The following SOX6 variants were observed in gnomAD, a reference collection of about 807,000 sequenced individuals.
SOX6 encodes transcription factor SOX-6.
In SOX6, 11 loss-of-function variants were observed where a neutral mutation model predicts 97.8. The ratio of observed to expected loss-of-function variants is 0.11; its 90% confidence interval spans 0.07 to 0.19. The LOEUF (loss-of-function observed/expected upper bound fraction) is 0.19. SOX6 is among the 10% of genes least tolerant of loss of function. The pLI is 1.00. For synonymous variants in SOX6, 360 were observed against 371.4 expected (o/e 0.97, Z 0.35); for missense variants, 810 against 1,039.5 (o/e 0.78, Z 3.04).
intron 3 of SOX6, among the ~76,000 whole-genome samples, chr11:16,645,200 T>C (rs1848993976): frequency 6.6e-6 from 1 of 152,194 alleles, no homozygotes; most frequent in Admixed American, 6.5e-5. Flanking sequence ...TTTTATCAAA[T>C]GCCACTAATA....
At chr11:16,161,124 TCCACCATGGTTGATTTCAAC>T (rs1250069007) in intron 6 of SOX6, among the ~76,000 whole-genome samples, 2 of 152,072 alleles carry the variant, frequency 1.3e-5, no homozygotes, top group Admixed American at 6.6e-5. Context: ...TTGATTTCAA[TCCACCATGGTTGATTTCAAC>T]CTATAAACAT....
At chr11:16,367,094 C>G (rs1857378325) in intron 1 of SOX6, among the ~76,000 whole-genome samples, 1 of 152,102 alleles carries the variant, frequency 6.6e-6, no homozygotes, top group Admixed American at 6.6e-5. Context: ...GATAGAAAAT[C>G]TAAATCTACA....
chr11:16,228,058 C>A (rs932906982), intron 4 of SOX6, among the ~76,000 whole-genome samples: 1 of 151,960 alleles, frequency 6.6e-6, no homozygotes, highest in African/African-American at 2.4e-5. Flanking sequence ...ACTAGCCAGG[C>A]GTGGTGGCAC....
Position 15,972,837 on chromosome 11 carries a change from T to C in SOX6, c.2459A>G (p.Glu820Gly), listed in dbSNP as rs1468647362. ...DPKSDYSSEN[E>G]APEAVSAN Reference sequence around the variant, plus strand: ...GTTGGCACTGACAGCCTCCGGGGCTTCATTTTCACTGCTATAGTCTGATTT... The same window carrying C: ...GTTGGCACTGACAGCCTCCGGGGCTCCATTTTCACTGCTATAGTCTGATTT... Residue 820 changes from glutamate (E) to glycine (G), a missense_variant, in exon 16 of 16, where the codon GAA (glutamate) becomes GGA (glycine). This residue lies in a region of SOX6 where 122 missense variants were observed against 153.4 expected (regional missense o/e 0.80). Transcript: ENST00000683767. 1 of 1,614,240 alleles carries C rather than the reference T, an allele frequency of 6.2e-7. No individual in the cohort carries two copies. The highest frequency in any genetic ancestry group is 8.5e-7 in the Non-Finnish European group (1 of 1,180,032).
chr11:16,427,901 C>T (rs1233474040), intron 1 of SOX6, among the ~76,000 whole-genome samples: 1 of 152,134 alleles, frequency 6.6e-6, no homozygotes, highest in African/African-American at 2.4e-5. Context: ...TGAGGAATCG[C>T]CACACTGACT....
At chr11:16,697,752 T>G (rs903715966) in intron 3 of SOX6, among the ~76,000 whole-genome samples, 7 of 152,246 alleles carry the variant, frequency 4.6e-5, no homozygotes, top group African/African-American at 1.7e-4. Flanking sequence ...GGCTACAGAA[T>G]GGATGTTGTG....
Position 16,155,654 on chromosome 11 carries a change from T to C in SOX6, c.777+28232A>G, listed in dbSNP as rs147101561. 4.2e-3 allele frequency among the ~76,000 whole-genome samples: 632 copies of C among 152,264 alleles called. 9 individuals carry two copies. The highest frequency in any genetic ancestry group is 0.031 in the Middle Eastern group (9 of 294). On this transcript the variant is annotated intron_variant, in intron 6 of 15. Transcript: ENST00000683767. ...ACATAGTGAATCATTAGCTATTATG[T>C]TAACACATACTTAGTGGCAGTCTAG...
chr11:16,201,704 G>A (rs1474906942), intron 4 of SOX6, among the ~76,000 whole-genome samples: 1 of 129,826 alleles, frequency 7.7e-6, no homozygotes, highest in Non-Finnish European at 1.5e-5. Context: ...CGGGATCTCG[G>A]CTCACTGCAA....
At chr11:16,068,461 A>G (rs1179224694) in intron 9 of SOX6, among the ~76,000 whole-genome samples, 2 of 152,228 alleles carry the variant, frequency 1.3e-5, no homozygotes, top group Non-Finnish European at 2.9e-5. Flanking sequence ...TTTACTTTTC[A>G]TAAATCTCCA....
chr11:16,162,827 G>A (rs536616330), intron 6 of SOX6, among the ~76,000 whole-genome samples: 42 of 152,246 alleles, frequency 2.8e-4, no homozygotes, highest in African/African-American at 9.4e-4. Context: ...TTTGAACTGA[G>A]TCAGTATTTT....
intron 4 of SOX6, among the ~76,000 whole-genome samples, chr11:16,208,624 T>C (rs963036670): frequency 7.9e-5 from 12 of 152,222 alleles, no homozygotes; most frequent in African/African-American, 2.9e-4. Context: ...GCTTTTCACT[T>C]GAAGGAAAAC....
chr11:16,250,655 T>A (rs7110527), intron 3 of SOX6, among the ~76,000 whole-genome samples: 117,702 of 151,436 alleles, frequency 0.78, 45,874 homozygotes, highest in Non-Finnish European at 0.8. Context: ...AACAGGAAAA[T>A]TCCAACAATC....
chr11:15,973,838 C>A (rs1471614549), intron 15 of SOX6, among the ~76,000 whole-genome samples: 1 of 152,100 alleles, frequency 6.6e-6, no homozygotes, highest in Non-Finnish European at 1.5e-5. Context: ...CACCCTAGAT[C>A]CCAGAGGGTG....
chr11:16,680,275 C>A (rs1292678329), intron 3 of SOX6, among the ~76,000 whole-genome samples: 2 of 152,206 alleles, frequency 1.3e-5, no homozygotes, highest in Admixed American at 1.3e-4. Flanking sequence ...AGAAACCCTA[C>A]AAGCCAGAAG....
At position 16,557,627 on chromosome 11, in the gene SOX6, T is replaced by C. The variant is rs1195924506; in HGVS notation, n.609+54454A>G. On this transcript the variant is annotated intron_variant and non_coding_transcript_variant, in intron 4 of 5. Transcript: ENST00000524520. ...TTTGCTTATATAGAATATTCTTAGGTATCTATTTCAAATATCCATATTTCT... is the reference window on the plus strand; with the variant it reads ...TTTGCTTATATAGAATATTCTTAGGCATCTATTTCAAATATCCATATTTCT... Among the ~76,000 whole-genome samples the C allele has an allele frequency of 2.6e-5, 4 of 151,892 alleles. No individual in the cohort carries two copies. The East Asian group carries it at 7.7e-4, about 29-fold the overall frequency.
chr11:16,157,871 CAA>C (rs1275334903), intron 6 of SOX6, among the ~76,000 whole-genome samples: 1 of 152,052 alleles, frequency 6.6e-6, no homozygotes, highest in Non-Finnish European at 1.5e-5. Context: ...TCTCCTACTT[CAA>C]AATTCAGATT....
intron 6 of SOX6, among the ~76,000 whole-genome samples, chr11:16,168,606 G>A (rs1281762914): frequency 6.6e-6 from 1 of 152,038 alleles, no homozygotes; most frequent in Non-Finnish European, 1.5e-5. Context: ...GGATGCTAAG[G>A]AAAAGCACCT....
chr11:16,223,000 C>T (rs1033340727), intron 4 of SOX6, among the ~76,000 whole-genome samples: 12 of 152,070 alleles, frequency 7.9e-5, no homozygotes, highest in Non-Finnish European at 1.6e-4. Flanking sequence ...ATTTAAAAAT[C>T]AGCCCCACCC....
intron 2 of SOX6, among the ~76,000 whole-genome samples, chr11:16,717,193 T>C (rs1673551636): frequency 6.6e-6 from 1 of 152,140 alleles, no homozygotes; most frequent in African/African-American, 2.4e-5. Flanking sequence ...TAAGATTACT[T>C]TCATATTTGT....
Sources: gnomAD v4.1 joint callset for allele counts (sites outside exome capture counted in the v4.1 genomes callset) on GRCh38, gnomAD v4.1.1 for gene constraint, gnomAD v4.1.1 regional missense constraint, MANE v1.5 for transcripts, NCBI Gene and HGNC (gene_info 2026-07-23, HGNC 2026-07-21) for gene names.